The following NEK10 variants were observed in gnomAD, a reference collection of about 807,000 sequenced individuals.
NEK10 encodes serine/threonine-protein kinase Nek10.
NEK10 carries 122 observed loss-of-function variants against 159.8 expected under a neutral mutation model. The observed-to-expected ratio is 0.76, with a 90% CI of 0.66 to 0.89. The LOEUF (loss-of-function observed/expected upper bound fraction) is 0.89. NEK10 is among the 40% of genes least tolerant of loss of function. The pLI, the probability that NEK10 is intolerant of heterozygous loss-of-function variation, is 0.00. For synonymous variants in NEK10, 466 were observed against 457.1 expected (o/e 1.02, Z -0.25); for missense variants, 1,342 against 1,323.1 (o/e 1.01, Z -0.22).
chr3:27,164,474 A>G (rs999001097), intron 29 of NEK10, among the ~76,000 whole-genome samples: 7 of 152,260 alleles, frequency 4.6e-5, no homozygotes, highest in Non-Finnish European at 8.8e-5. Flanking sequence ...AAAAGAATAA[A>G]GTGAAATAAT....
At chr3:27,273,059 T>A (rs147640124) in intron 22 of NEK10, among the ~76,000 whole-genome samples, 9 of 152,236 alleles carry the variant, frequency 5.9e-5, no homozygotes, top group African/African-American at 2.2e-4. Flanking sequence ...GCAGACATTA[T>A]CTAGGTAAGA....
chr3:27,367,763 T>A (rs1340000023), intron 1 of NEK10, among the ~76,000 whole-genome samples: 1 of 152,056 alleles, frequency 6.6e-6, no homozygotes, highest in Non-Finnish European at 1.5e-5. Flanking sequence ...TCAAGCAACA[T>A]ACAGAAAATG....
intron 22 of NEK10, among the ~76,000 whole-genome samples, chr3:27,267,996 TTA>T (rs1288914001): frequency 1.3e-5 from 2 of 152,166 alleles, no homozygotes; most frequent in Non-Finnish European, 2.9e-5. Context: ...TAAAACAGCC[TTA>T]TTGCTGATAA....
chr3:27,185,377 G>T (rs775013583), intron 26 of NEK10, among the ~76,000 whole-genome samples: 4 of 151,996 alleles, frequency 2.6e-5, no homozygotes, highest in Non-Finnish European at 5.9e-5. Context: ...ATTTTTTTTG[G>T]AAAATAGTTT....
chr3:27,202,024 AC>A (rs1950096084), intron 24 of NEK10, among the ~76,000 whole-genome samples: 1 of 151,990 alleles, frequency 6.6e-6, no homozygotes, highest in Non-Finnish European at 1.5e-5. Flanking sequence ...GGTGGCACAT[AC>A]CTGTAATCCC....
intron 4 of NEK10, among the ~76,000 whole-genome samples, chr3:27,344,902 G>A (rs1441981371): frequency 6.6e-6 from 1 of 152,134 alleles, no homozygotes; most frequent in East Asian, 1.9e-4. Context: ...GACTGTCACT[G>A]TTGATTGTTT....
intron 31 of NEK10, among the ~76,000 whole-genome samples, chr3:27,133,942 GTTTC>G (rs1942911958): frequency 6.6e-6 from 1 of 152,034 alleles, no homozygotes; most frequent in African/African-American, 2.4e-5. Flanking sequence ...CAATATTATA[GTTTC>G]TTTTGCCTTA....
At chr3:27,222,890 C>T (rs1952263689) in intron 23 of NEK10, among the ~76,000 whole-genome samples, 3 of 151,876 alleles carry the variant, frequency 2.0e-5, no homozygotes, top group Non-Finnish European at 4.4e-5. Flanking sequence ...TAGTCAGGAA[C>T]TGAAATGCAA....
intron 23 of NEK10, among the ~76,000 whole-genome samples, chr3:27,206,951 T>G (rs1950593980): frequency 6.6e-6 from 1 of 152,132 alleles, no homozygotes; most frequent in South Asian, 2.1e-4. Flanking sequence ...GGGAAACATT[T>G]CTATTTATTT....
At chr3:27,138,940 G>A (rs1705944625) in intron 31 of NEK10, among the ~76,000 whole-genome samples, 1 of 152,180 alleles carries the variant, frequency 6.6e-6, no homozygotes, top group African/African-American at 2.4e-5. Flanking sequence ...TCTTTTGAAT[G>A]CATTGGAGCA....
At chr3:27,150,862 A>G (rs73149298) in intron 30 of NEK10, among the ~76,000 whole-genome samples, 5,647 of 152,268 alleles carry the variant, frequency 0.037, 249 homozygotes, top group African/African-American at 0.11. Flanking sequence ...AGATGTCATT[A>G]AAAACATGTA....
intron 22 of NEK10, among the ~76,000 whole-genome samples, chr3:27,282,538 T>TTATATATATATATA (rs10525422): frequency 0.014 from 586 of 42,100 alleles, 159 homozygotes; most frequent in African/African-American, 0.049. Flanking sequence ...CATAAATGTG[T>TTATATATATATATA]TATATATATA....
intron 1 of NEK10, among the ~76,000 whole-genome samples, chr3:27,368,134 A>T (rs546634116): frequency 1.3e-5 from 2 of 152,206 alleles, no homozygotes; most frequent in African/African-American, 4.8e-5. Context: ...CTCTACTAAA[A>T]ATACAAAAAT....
chr3:27,238,167 G>A (rs1954152514), intron 23 of NEK10, among the ~76,000 whole-genome samples: 1 of 152,142 alleles, frequency 6.6e-6, no homozygotes, highest in African/African-American at 2.4e-5. Flanking sequence ...GGAAAAGCTG[G>A]AAATAATTTG....
chr3:27,342,227 A>G (rs929774778), intron 5 of NEK10, among the ~76,000 whole-genome samples: 4 of 151,994 alleles, frequency 2.6e-5, no homozygotes, highest in African/African-American at 9.7e-5. Context: ...CCAACACTAA[A>G]TCTCATGTTT....
intron 29 of NEK10, among the ~76,000 whole-genome samples, chr3:27,164,420 A>G (rs61106125): frequency 0.098 from 14,932 of 152,260 alleles, 2,425 homozygotes; most frequent in African/African-American, 0.34. Context: ...TGTAAGCATC[A>G]AACATAATTT....
At chr3:27,264,179 T>G (rs890226560) in intron 22 of NEK10, among the ~76,000 whole-genome samples, 1 of 151,662 alleles carries the variant, frequency 6.6e-6, no homozygotes, top group Non-Finnish European at 1.5e-5. Context: ...TATAGAAAAA[T>G]AAGGACCAGA....
At chr3:27,168,804 A>G (rs1003075311) in intron 29 of NEK10, among the ~76,000 whole-genome samples, 1 of 152,112 alleles carries the variant, frequency 6.6e-6, no homozygotes, top group Non-Finnish European at 1.5e-5. Context: ...CAAAACATCA[A>G]CTTCAATGTA....
chr3:27,327,554 A>T (rs1276726408), intron 5 of NEK10, among the ~76,000 whole-genome samples: 4 of 152,206 alleles, frequency 2.6e-5, no homozygotes, highest in African/African-American at 9.7e-5. Flanking sequence ...TGAAAAGGGA[A>T]AGAGTAGCCA....
Sources: allele counts gnomAD v4.1 joint callset (sites outside exome capture counted in the v4.1 genomes callset), GRCh38; gene constraint gnomAD v4.1.1; transcripts MANE v1.5; gene names NCBI Gene and HGNC (gene_info 2026-07-23, HGNC 2026-07-21).